The following SYT9 variants were observed in gnomAD, a reference collection of about 807,000 sequenced individuals.
SYT9 encodes the protein synaptotagmin 9, also known as synaptotagmin-9.
SYT9 carries 22 observed loss-of-function variants against 48.4 expected under a neutral mutation model. The ratio of observed to expected loss-of-function variants is 0.45; its 90% CI spans 0.32 to 0.65. SYT9 has a LOEUF of 0.65. Among genes scored for constraint, SYT9 ranks in the 30% least tolerant of loss-of-function variants. The pLI is 0.03. For synonymous variants in SYT9, 265 were observed against 245.0 expected (o/e 1.08, Z -0.76); for missense variants, 577 against 622.0 (o/e 0.93, Z 0.77).
chr11:7,418,425 T>C (rs1197188987), intron 5 of SYT9, among the ~76,000 whole-genome samples: 2 of 152,216 alleles, frequency 1.3e-5, no homozygotes. Context: ...GCACAACTCC[T>C]AGAATCTCAG....
chr11:7,290,029 C>G (rs1215053225), intron 1 of SYT9, among the ~76,000 whole-genome samples: 1 of 152,224 alleles, frequency 6.6e-6, no homozygotes, highest in Non-Finnish European at 1.5e-5. Flanking sequence ...TCAGCACAGA[C>G]AGATCCGTGA....
chr11:7,343,921 A>G (rs1849756019), intron 3 of SYT9, among the ~76,000 whole-genome samples: 1 of 152,200 alleles, frequency 6.6e-6, no homozygotes, highest in Non-Finnish European at 1.5e-5. Context: ...GGGGAAACCC[A>G]TTATAAAAAC....
At chr11:7,411,001 C>G (rs1194380971) in intron 3 of SYT9, among the ~76,000 whole-genome samples, 1 of 152,118 alleles carries the variant, frequency 6.6e-6, no homozygotes, top group Non-Finnish European at 1.5e-5. Context: ...ATTACAGGCA[C>G]CTGGCACCAC....
chr11:7,388,461 C>G (rs1850702644), intron 3 of SYT9, among the ~76,000 whole-genome samples: 1 of 151,876 alleles, frequency 6.6e-6, no homozygotes, highest in African/African-American at 2.4e-5. Flanking sequence ...GCTCGTTAAT[C>G]TTCCCTAAAT....
At chr11:7,304,867 T>C (rs1849004710) in intron 2 of SYT9, among the ~76,000 whole-genome samples, 1 of 152,214 alleles carries the variant, frequency 6.6e-6, no homozygotes, top group Non-Finnish European at 1.5e-5. Context: ...TAAAGCCTTT[T>C]AGATAGAGTC....
chr11:7,399,501 T>G lies in SYT9; in HGVS notation c.1045-16541T>G, dbSNP rs530625223. ...GGCTACTTGCAGAAACTTAAGAAAA[T>G]ACACAGCACTGAATTTTAAAAGATT... is the stretch of plus-strand genomic sequence containing the variant. On this transcript the variant is annotated intron_variant, in intron 3 of 6. Coordinates refer to ENST00000318881, the MANE Select transcript of SYT9 (RefSeq NM_175733.4). 2.1e-4 allele frequency among the ~76,000 whole-genome samples: 32 copies of G among 152,222 alleles called. No homozygotes were observed. In the South Asian group the frequency reaches 2.3e-3, roughly 11 times the overall value.
intron 3 of SYT9, among the ~76,000 whole-genome samples, chr11:7,410,445 T>C (rs767523421): frequency 6.6e-6 from 1 of 152,306 alleles, no homozygotes; most frequent in African/African-American, 2.4e-5. Flanking sequence ...GGTGTTGAAT[T>C]TCCCCAATAT....
At chr11:7,361,281 C>T (rs1267131250) in intron 3 of SYT9, among the ~76,000 whole-genome samples, 1 of 152,038 alleles carries the variant, frequency 6.6e-6, no homozygotes, top group Non-Finnish European at 1.5e-5. Flanking sequence ...TTCTAATTCT[C>T]ATAATAATCA....
intron 6 of SYT9, chr11:7,441,661 T>A (rs1847831636): frequency 6.6e-6 from 1 of 152,152 alleles, no homozygotes; most frequent in South Asian, 2.1e-4. Flanking sequence ...TGGATGCAGG[T>A]CTAGGCATTG....
intron 1 of SYT9, among the ~76,000 whole-genome samples, chr11:7,240,395 G>T (rs1809406235): frequency 6.6e-6 from 1 of 151,102 alleles, no homozygotes; most frequent in Non-Finnish European, 1.5e-5. Context: ...AATAGGGACA[G>T]AATTGAAACA....
chr11:7,411,700 C>G (rs1847139371), intron 3 of SYT9, among the ~76,000 whole-genome samples: 1 of 152,102 alleles, frequency 6.6e-6, no homozygotes. Context: ...GCAGAGAAGA[C>G]CTTCTTGCTC....
chr11:7,468,969 G>A lies in SYT9; in HGVS notation c.*2169G>A, dbSNP rs1459145538. On this transcript the variant is annotated 3_prime_UTR_variant, in exon 7 of 7. Transcript: ENST00000318881. Reference sequence around the variant, plus strand: ...AAATTTGAACTCCCTCAGCCCATTTGCAACTCTGCCTCTGTTCTCTTGCAT... The same window carrying A: ...AAATTTGAACTCCCTCAGCCCATTTACAACTCTGCCTCTGTTCTCTTGCAT... 1 of 148,030 alleles carries A rather than the reference G, an allele frequency of 6.8e-6. No homozygotes were observed. The allele number at this position is 148,030 out of a possible 1,614,324, so 9.2% of individuals were successfully genotyped here. A position where few individuals can be genotyped will look rare whatever the true frequency, so the allele number is the denominator to read the frequency against.
chr11:7,405,675 G>C (rs1448794497), intron 3 of SYT9, among the ~76,000 whole-genome samples: 1 of 152,158 alleles, frequency 6.6e-6, no homozygotes, highest in East Asian at 1.9e-4. Context: ...GGATGAATGA[G>C]TGAAAATTTA....
intron 3 of SYT9, among the ~76,000 whole-genome samples, chr11:7,339,700 C>T (rs1447041503): frequency 6.6e-6 from 1 of 152,018 alleles, no homozygotes; most frequent in African/African-American, 2.4e-5. Context: ...TCTTCTGGTT[C>T]GTAGAGTTTC....
At chr11:7,408,044 T>C (rs1189793535) in intron 3 of SYT9, among the ~76,000 whole-genome samples, 1 of 152,218 alleles carries the variant, frequency 6.6e-6, no homozygotes, top group Non-Finnish European at 1.5e-5. Flanking sequence ...TGTAGGATTG[T>C]TTTATTAATT....
intron 1 of SYT9, among the ~76,000 whole-genome samples, chr11:7,300,718 G>A (rs1329169157): frequency 1.3e-5 from 2 of 152,198 alleles, no homozygotes; most frequent in African/African-American, 4.8e-5. Context: ...GTGTTGGAGA[G>A]GGCGGGGATT....
chr11:7,392,271 T>G (rs1846639379), intron 3 of SYT9, among the ~76,000 whole-genome samples: 1 of 152,152 alleles, frequency 6.6e-6, no homozygotes, highest in Non-Finnish European at 1.5e-5. Context: ...ATATTTTGAG[T>G]TAATTTTTGT....
intron 6 of SYT9, among the ~76,000 whole-genome samples, chr11:7,432,629 A>T (rs1847627837): frequency 2.0e-5 from 1 of 49,358 alleles, no homozygotes; most frequent in African/African-American, 6.4e-5. Flanking sequence ...ATATATATAT[A>T]TATATATATT....
At position 7,426,490 on chromosome 11, in the gene SYT9, C is replaced by T. The variant is rs568712706; in HGVS notation, c.1467+5855C>T. ...CCCTGAAATTCTAACAACCAATACT[C>T]TCACATCCTTCAGGCATTTGGGCAC... On this transcript the variant is annotated intron_variant, in intron 6 of 6. Coordinates refer to ENST00000318881, the MANE Select transcript of SYT9 (RefSeq NM_175733.4). Among the ~76,000 whole-genome samples, 37 of 152,308 alleles carry T rather than the reference C, an allele frequency of 2.4e-4. No individual in the cohort carries two copies. In the South Asian group the frequency reaches 7.1e-3, roughly 29 times the overall value.
Sources: gnomAD v4.1 joint callset for allele counts (sites outside exome capture counted in the v4.1 genomes callset) on GRCh38, gnomAD v4.1.1 for gene constraint, MANE v1.5 for transcripts, NCBI Gene and HGNC (gene_info 2026-07-23, HGNC 2026-07-21) for gene names.